The following EPHB1 variants were observed in gnomAD, a reference collection of about 807,000 sequenced individuals.
EPHB1 encodes ephrin type-B receptor 1.
A neutral mutation model predicts 94.4 loss-of-function variants in EPHB1; 30 were observed. That is an observed-to-expected ratio of 0.32 (90% CI 0.24 to 0.43). The LOEUF (loss-of-function observed/expected upper bound fraction) is 0.43. EPHB1 is among the 20% of genes least tolerant of loss of function. The pLI is 1.00. For synonymous variants in EPHB1, 522 were observed against 489.1 expected (o/e 1.07, Z -0.89); for missense variants, 1,055 against 1,308.3 (o/e 0.81, Z 2.99).
chr3:135,006,747 T>C (rs1160285813), intron 3 of EPHB1, among the ~76,000 whole-genome samples: 1 of 152,192 alleles, frequency 6.6e-6, no homozygotes, highest in Non-Finnish European at 1.5e-5. Context: ...AATATATCTA[T>C]ACGGTACATT....
At chr3:135,175,383 A>G (rs1209976255) in intron 9 of EPHB1, among the ~76,000 whole-genome samples, 2 of 152,176 alleles carry the variant, frequency 1.3e-5, no homozygotes, top group Non-Finnish European at 2.9e-5. Flanking sequence ...AACCTAATAT[A>G]TTTAAAGGCT....
intron 12 of EPHB1, among the ~76,000 whole-genome samples, chr3:135,208,924 A>G (rs1239531261): frequency 6.6e-6 from 1 of 152,184 alleles, no homozygotes; most frequent in Non-Finnish European, 1.5e-5. Context: ...GAGAGGGAAA[A>G]TGTGAGATGA....
At chr3:134,863,665 AT>A (rs1402758738) in intron 1 of EPHB1, among the ~76,000 whole-genome samples, 3 of 152,144 alleles carry the variant, frequency 2.0e-5, no homozygotes, top group African/African-American at 7.2e-5. Context: ...GAAATTCAAC[AT>A]TTTTTCATTT....
At chr3:135,186,174 A>G (rs1007988094) in intron 10 of EPHB1, among the ~76,000 whole-genome samples, 3 of 152,240 alleles carry the variant, frequency 2.0e-5, no homozygotes, top group Admixed American at 6.5e-5. Flanking sequence ...CAACTATAAA[A>G]AGCTACAAGA....
At chr3:135,113,083 T>C (rs1939527353) in intron 4 of EPHB1, among the ~76,000 whole-genome samples, 1 of 152,210 alleles carries the variant, frequency 6.6e-6, no homozygotes, top group Non-Finnish European at 1.5e-5. Context: ...TGTGTTCTCC[T>C]TGAGGTGAAC....
chr3:134,885,580 C>G (rs2037846719), intron 1 of EPHB1, among the ~76,000 whole-genome samples: 2 of 152,190 alleles, frequency 1.3e-5, no homozygotes, highest in Non-Finnish European at 2.9e-5. Flanking sequence ...TTCTCCAGTT[C>G]TGTAGCTGTA....
At chr3:135,007,244 A>T (rs180979065) in intron 3 of EPHB1, among the ~76,000 whole-genome samples, 4 of 152,014 alleles carry the variant, frequency 2.6e-5, no homozygotes, top group African/African-American at 9.7e-5. Flanking sequence ...ACACTCCCTT[A>T]CCTCCCTTGC....
chr3:134,848,393 A>C (rs763879699), intron 1 of EPHB1, among the ~76,000 whole-genome samples: 20 of 152,258 alleles, frequency 1.3e-4, no homozygotes, highest in Non-Finnish European at 2.5e-4. Context: ...GTTGTTAATT[A>C]TCTCTCTAAG....
At chr3:134,798,586 G>A (rs748588629) in intron 1 of EPHB1, among the ~76,000 whole-genome samples, 3 of 152,200 alleles carry the variant, frequency 2.0e-5, no homozygotes, top group African/African-American at 4.8e-5. Flanking sequence ...AAGGGAGTAA[G>A]GCAGGCTGTG....
At chr3:134,971,763 C>T (rs1933976499) in intron 3 of EPHB1, among the ~76,000 whole-genome samples, 1 of 152,202 alleles carries the variant, frequency 6.6e-6, no homozygotes, top group African/African-American at 2.4e-5. Context: ...AGCTAAGGCT[C>T]CTGGCCTGTT....
intron 1 of EPHB1, among the ~76,000 whole-genome samples, chr3:134,838,832 A>G (rs924765032): frequency 6.6e-6 from 1 of 152,194 alleles, no homozygotes; most frequent in Non-Finnish European, 1.5e-5. Context: ...AAAAGTAAAT[A>G]AAGAGACTGC....
At chr3:135,064,618 T>C (rs1435936864) in intron 3 of EPHB1, among the ~76,000 whole-genome samples, 1 of 152,194 alleles carries the variant, frequency 6.6e-6, no homozygotes, top group African/African-American at 2.4e-5. Flanking sequence ...GCTAATGGTC[T>C]ATCAATTTTA....
intron 3 of EPHB1, among the ~76,000 whole-genome samples, chr3:135,063,789 C>T (rs974345485): frequency 2.0e-4 from 30 of 152,120 alleles, no homozygotes; most frequent in Non-Finnish European, 1.3e-4. Flanking sequence ...GGAATGCTTT[C>T]AATTTTTCCC....
At chr3:134,856,222 G>C (rs2037113501) in intron 1 of EPHB1, among the ~76,000 whole-genome samples, 1 of 152,182 alleles carries the variant, frequency 6.6e-6, no homozygotes, top group Admixed American at 6.5e-5. Context: ...TTATGGGCAC[G>C]GGTGTGTGGA....
intron 3 of EPHB1, among the ~76,000 whole-genome samples, chr3:135,088,305 G>A (rs1389542779): frequency 1.3e-5 from 2 of 152,196 alleles, no homozygotes; most frequent in Non-Finnish European, 2.9e-5. Context: ...CCATGACAGA[G>A]TAGCTGGGAA....
chr3:135,249,771 AAACTC>A (rs1300162794), intron 15 of EPHB1, among the ~76,000 whole-genome samples: 10 of 152,248 alleles, frequency 6.6e-5, no homozygotes, highest in African/African-American at 2.2e-4. Flanking sequence ...TTAAGTTTTT[AAACTC>A]AACTCATCAA....
chr3:135,112,997 A>G (rs895424741), intron 4 of EPHB1, among the ~76,000 whole-genome samples: 15 of 152,192 alleles, frequency 9.9e-5, no homozygotes, highest in African/African-American at 3.4e-4. Context: ...ATAGGTAAAG[A>G]GACTGATATT....
chr3:134,798,070 C>A (rs978189050), intron 1 of EPHB1, among the ~76,000 whole-genome samples: 1 of 152,172 alleles, frequency 6.6e-6, no homozygotes, highest in African/African-American at 2.4e-5. Flanking sequence ...GAGCTGCCTA[C>A]GGAGAGCAGG....
At chr3:134,916,773 G>A (rs2038581872) in intron 1 of EPHB1, among the ~76,000 whole-genome samples, 4 of 152,154 alleles carry the variant, frequency 2.6e-5, no homozygotes, top group South Asian at 4.1e-4. Flanking sequence ...CAAGGGATCC[G>A]GCTCCGGCCT....
Sources: gnomAD v4.1 joint callset for allele counts (sites outside exome capture counted in the v4.1 genomes callset) on GRCh38, gnomAD v4.1.1 for gene constraint, MANE v1.5 for transcripts, NCBI Gene and HGNC (gene_info 2026-07-23, HGNC 2026-07-21) for gene names.